Variants in EPHA5 observed in about 807,000 individuals in gnomAD.
The protein encoded by EPHA5 is ephrin type-A receptor 5.
EPHA5 carries 60 observed loss-of-function variants against 105.0 expected under a neutral mutation model. That is an observed-to-expected ratio of 0.57 (90% CI 0.46 to 0.71). The LOEUF is 0.71. EPHA5 is among the 30% of genes least tolerant of loss of function. The pLI is 0.00. For synonymous variants in EPHA5, 513 were observed against 449.1 expected, an observed-to-expected ratio of 1.14 and a Z score of -1.80; for missense variants, 1,218 against 1,274.7, an observed-to-expected ratio of 0.96 and a Z score of 0.68.
intron 5 of EPHA5, among the ~76,000 whole-genome samples, chr4:65,483,708 C>T (rs1730606171): frequency 6.6e-6 from 1 of 152,152 alleles, no homozygotes; most frequent in South Asian, 2.1e-4. Context: ...GTTCATATTA[C>T]AGTTGATACA....
chr4:65,503,797 A>C (rs191765800), intron 3 of EPHA5, among the ~76,000 whole-genome samples: 2 of 151,736 alleles, frequency 1.3e-5, no homozygotes, highest in East Asian at 1.9e-4. Context: ...TCACTTATAC[A>C]TTACCCGTCA....
intron 3 of EPHA5, chr4:65,574,371 AT>A (rs1310458287): frequency 1.1e-4 from 91 of 850,980 alleles, no homozygotes; most frequent in East Asian, 2.7e-4. Flanking sequence ...CAAAAAAAAA[AT>A]AATAATAATA....
intron 1 of EPHA5, among the ~76,000 whole-genome samples, chr4:65,668,318 T>C (rs1354526953): frequency 6.6e-6 from 1 of 152,136 alleles, no homozygotes; most frequent in Non-Finnish European, 1.5e-5. Flanking sequence ...CTGCTTCATC[T>C]TTCCGGTCTA....
chr4:65,367,423 G>T lies in EPHA5; in HGVS notation c.1795C>A (p.Arg599=), dbSNP rs146757388. The T allele has an allele frequency of 1.9e-6, 3 of 1,611,444 alleles. No homozygotes were observed. The highest frequency in any genetic ancestry group is 1.3e-5 in the African/African-American group (1 of 74,868). The change falls in exon 9 of 17, where the codon CGG becomes AGG. Residue 599 remains arginine (R), a splice_region_variant and synonymous_variant. Coordinates refer to ENST00000613740, the MANE Select transcript of EPHA5 (RefSeq NM_001281766.3). ...VVIGVLLSGR[R]CGYSKAKQDP... Reference sequence around the variant, plus strand: ...TGTTTTGCTTTGCTGTAGCCACACCGCCTGGAACAAAGTAAGCTAGAATTA... The same window carrying T: ...TGTTTTGCTTTGCTGTAGCCACACCTCCTGGAACAAAGTAAGCTAGAATTA...
chr4:65,492,569 C>T (rs1183580117), intron 4 of EPHA5, among the ~76,000 whole-genome samples: 1 of 149,926 alleles, frequency 6.7e-6, no homozygotes, highest in Non-Finnish European at 1.5e-5. Context: ...AAAATCCCCA[C>T]CTTGACCATG....
chr4:65,364,052 C>T (rs1717608050), intron 11 of EPHA5, among the ~76,000 whole-genome samples: 1 of 151,658 alleles, frequency 6.6e-6, no homozygotes, highest in East Asian at 1.9e-4. Context: ...GGATTGCCTT[C>T]TTGCTCCAGA....
chr4:65,477,451 C>T (rs144366191), intron 5 of EPHA5, among the ~76,000 whole-genome samples: 3 of 151,844 alleles, frequency 2.0e-5, no homozygotes, highest in Non-Finnish European at 4.4e-5. Flanking sequence ...CTCACTCTGT[C>T]GCCCAGGCTT....
intron 2 of EPHA5, 42 bp from the exon 3 acceptor site, chr4:65,602,346 T>C (rs1743820551): frequency 1.4e-6 from 2 of 1,449,782 alleles, no homozygotes; most frequent in Non-Finnish European, 9.1e-7. Context: ...ATTCAAAAAA[T>C]AGAAAATAAC....
intron 3 of EPHA5, among the ~76,000 whole-genome samples, chr4:65,589,405 G>A (rs28542715): frequency 0.061 from 9,312 of 151,996 alleles, 387 homozygotes; most frequent in Admixed American, 0.11. Context: ...GACTTAAATG[G>A]GCTCTATTAT....
At chr4:65,433,148 T>C (rs1437019281) in intron 5 of EPHA5, among the ~76,000 whole-genome samples, 3 of 152,212 alleles carry the variant, frequency 2.0e-5, no homozygotes, top group Non-Finnish European at 4.4e-5. Context: ...AGATTATTCT[T>C]AGTTCATTAA....
intron 3 of EPHA5, among the ~76,000 whole-genome samples, chr4:65,585,928 T>C (rs1258196401): frequency 6.6e-6 from 1 of 151,674 alleles, no homozygotes; most frequent in African/African-American, 2.4e-5. Context: ...CCTTACTTTT[T>C]TTTCTACGTC....
chr4:65,521,003 G>A (rs141331907), intron 3 of EPHA5, among the ~76,000 whole-genome samples: 3,835 of 152,190 alleles, frequency 0.025, 64 homozygotes, highest in African/African-American at 0.03. Flanking sequence ...AACACCATTT[G>A]ACCCAGCCAT....
At chr4:65,403,588 T>C (rs1175123635) in intron 8 of EPHA5, among the ~76,000 whole-genome samples, 2 of 134,304 alleles carry the variant, frequency 1.5e-5, no homozygotes, top group African/African-American at 6.9e-5. Flanking sequence ...TTGTTTTATA[T>C]AGTTTATTTT....
Position 65,669,968 on chromosome 4 carries a change from A to AT in EPHA5, c.-227dup. On this transcript the variant is annotated 5_prime_UTR_variant, in exon 1 of 17. Coordinates refer to ENST00000613740, the MANE Select transcript of EPHA5 (RefSeq NM_001281766.3). ...CCCCTTTGGTGGGGTTAAATGAAAT[A>AT]TTAGTTCTGGTTGCTAGTGCAGATC... 1 of 570,410 alleles carries AT rather than the reference A, an allele frequency of 1.8e-6. No individual in the cohort carries two copies. The highest frequency in any genetic ancestry group is 2.6e-6 in the Non-Finnish European group (1 of 384,546). The allele number at this position is 570,410 out of a possible 1,614,324, so 35.3% of individuals were successfully genotyped here. A position where few individuals can be genotyped will look rare whatever the true frequency, so the allele number is the denominator to read the frequency against.
intron 8 of EPHA5, among the ~76,000 whole-genome samples, chr4:65,385,144 C>G (rs1038234574): frequency 6.6e-6 from 1 of 151,616 alleles, no homozygotes; most frequent in Non-Finnish European, 1.5e-5. Flanking sequence ...CGTTTATAAA[C>G]ACAGCTTTGA....
chr4:65,332,807 G>A (rs1720766229), intron 15 of EPHA5, among the ~76,000 whole-genome samples: 1 of 151,910 alleles, frequency 6.6e-6, no homozygotes, highest in Non-Finnish European at 1.5e-5. Flanking sequence ...CTATAGCTAT[G>A]TGGGATAATT....
At chr4:65,464,798 T>C (rs886216698) in intron 5 of EPHA5, among the ~76,000 whole-genome samples, 3 of 152,140 alleles carry the variant, frequency 2.0e-5, no homozygotes, top group Non-Finnish European at 4.4e-5. Context: ...CGAATTTGGC[T>C]ATTAGATTAG....
At chr4:65,448,221 AT>A (rs1214903563) in intron 5 of EPHA5, among the ~76,000 whole-genome samples, 4 of 152,028 alleles carry the variant, frequency 2.6e-5, no homozygotes, top group African/African-American at 4.8e-5. Flanking sequence ...TGAAAAAAAA[AT>A]CACCAAGCTA....
chr4:65,604,911 T>A (rs892786055), intron 2 of EPHA5, among the ~76,000 whole-genome samples: 6 of 152,204 alleles, frequency 3.9e-5, no homozygotes, highest in African/African-American at 1.2e-4. Flanking sequence ...CATGACTTCA[T>A]GATTTAATAA....
Sources: gnomAD v4.1 joint callset for allele counts (sites outside exome capture counted in the v4.1 genomes callset) on GRCh38, gnomAD v4.1.1 for gene constraint, MANE v1.5 for transcripts, NCBI Gene and HGNC (gene_info 2026-07-23, HGNC 2026-07-21) for gene names.